SPTBN1: variants seen among roughly 807,000 people sequenced by gnomAD.
SPTBN1 encodes the protein spectrin beta chain, non-erythrocytic 1.
SPTBN1 carries 32 observed loss-of-function variants against 266.4 expected under a neutral mutation model. The observed-to-expected ratio is 0.12, with a 90% confidence interval of 0.09 to 0.16. The LOEUF (loss-of-function observed/expected upper bound fraction) is 0.16. Among genes scored for constraint, SPTBN1 ranks in the 10% least tolerant of loss-of-function variants. SPTBN1 has a pLI of 1.00. For missense variants in SPTBN1, 2,296 were observed against 3,067.1 expected, an observed-to-expected ratio of 0.75 and a Z score of 5.94; for synonymous variants, 1,336 against 1,162.2, an observed-to-expected ratio of 1.15 and a Z score of -3.04.
intron 1 of SPTBN1, among the ~76,000 whole-genome samples, chr2:54,471,814 T>TTTTTTTTTTTTTTTTTC (rs1693937101): frequency 6.7e-6 from 1 of 148,956 alleles, no homozygotes. Flanking sequence ...TTTTTTTTTT[T>TTTTTTTTTTTTTTTTTC]TTTTTGCTGT....
intron 3 of SPTBN1, among the ~76,000 whole-genome samples, chr2:54,605,029 G>A (rs533272163): frequency 4.6e-5 from 7 of 152,258 alleles, no homozygotes; most frequent in African/African-American, 1.7e-4. Context: ...GCCGCACTAG[G>A]GAATCCGATG....
chr2:54,501,664 C>T (rs916800498), intron 1 of SPTBN1, among the ~76,000 whole-genome samples: 3 of 152,228 alleles, frequency 2.0e-5, no homozygotes, highest in Admixed American at 1.3e-4. Flanking sequence ...TGTCTCGTTA[C>T]TTGCTCACCT....
chr2:54,558,033 C>T lies in SPTBN1; in HGVS notation c.148+31467C>T, dbSNP rs1672997164. On this transcript the variant is annotated intron_variant, in intron 2 of 35. Transcript: ENST00000356805. This position sits in a 1 kb window ranked among gnomAD's most constrained non-coding sequence, Gnocchi z 4.6. ...CCCGGGACCCTTGGGGCTCTTCACT[C>T]TCCAGGCCGTCCCGTGGGCGCGCTA... 1 of 985,438 alleles carries T rather than the reference C, an allele frequency of 1.0e-6. No individual in the cohort carries two copies. The highest frequency in any genetic ancestry group is 1.2e-6 in the Non-Finnish European group (1 of 829,928). The allele number at this position is 985,438 out of a possible 1,614,324, so 61.0% of individuals were successfully genotyped here. A position where few individuals can be genotyped will look rare whatever the true frequency, so the allele number is the denominator to read the frequency against.
chr2:54,559,782 A>G (rs768219047), intron 2 of SPTBN1, among the ~76,000 whole-genome samples: 1 of 152,180 alleles, frequency 6.6e-6, no homozygotes, highest in Non-Finnish European at 1.5e-5. Context: ...CTAGCACTGT[A>G]AAAAAGTAGT....
At chr2:54,635,346 T>G (rs937067318) in intron 17 of SPTBN1, among the ~76,000 whole-genome samples, 2 of 152,212 alleles carry the variant, frequency 1.3e-5, no homozygotes, top group Non-Finnish European at 2.9e-5. Context: ...GTCTTCTGAG[T>G]CAGCGGCAGT....
chr2:54,506,892 C>CTTTTTT (rs1481345490), intron 1 of SPTBN1, among the ~76,000 whole-genome samples: 2 of 8,346 alleles, frequency 2.4e-4, no homozygotes, highest in African/African-American at 8.1e-4. Flanking sequence ...CTGGTTCTCT[C>CTTTTTT]TCTTTTTTTT....
intron 1 of SPTBN1, among the ~76,000 whole-genome samples, chr2:54,490,642 A>C (rs1668637714): frequency 6.6e-6 from 1 of 152,204 alleles, no homozygotes; most frequent in African/African-American, 2.4e-5. Flanking sequence ...TAAGTTGGAT[A>C]ACCACCTTAG....
rs1176362284 is a variant in SPTBN1 at position 54,632,474 on chromosome 2, A to C, written c.3565-92A>C. ...TATTTCATGTAAGTGTAATGAAGAA[A>C]GTGTTGTGAACTATGTTGCACGGAA... On this transcript the variant is annotated intron_variant, in intron 16 of 35. Coordinates refer to ENST00000356805, the MANE Select transcript of SPTBN1 (RefSeq NM_003128.3). The C allele has an allele frequency of 5.5e-6, 7 of 1,262,156 alleles. No individual in the cohort carries two copies. The Admixed American group carries it at 1.4e-4, about 24-fold the overall frequency. The allele number at this position is 1,262,156 out of a possible 1,614,324, so 78.2% of individuals were successfully genotyped here. A position where few individuals can be genotyped will look rare whatever the true frequency, so the allele number is the denominator to read the frequency against.
At chr2:54,595,309 G>T (rs1675994571) in intron 2 of SPTBN1, among the ~76,000 whole-genome samples, 1 of 152,162 alleles carries the variant, frequency 6.6e-6, no homozygotes, top group Non-Finnish European at 1.5e-5. Context: ...ACTGCGGGAG[G>T]GTGGGGGCAA....
chr2:54,538,051 T>A (rs1215391006), intron 2 of SPTBN1, among the ~76,000 whole-genome samples: 1 of 152,224 alleles, frequency 6.6e-6, no homozygotes, highest in African/African-American at 2.4e-5. Context: ...CATTTTCAGA[T>A]AGACTGATGT....
intron 9 of SPTBN1, among the ~76,000 whole-genome samples, chr2:54,623,162 G>T (rs972770828): frequency 6.6e-6 from 1 of 152,066 alleles, no homozygotes; most frequent in African/African-American, 2.4e-5. Context: ...GAAATAATCC[G>T]TGTTGAATGC....
At chr2:54,542,549 G>A (rs1186566890) in intron 2 of SPTBN1, among the ~76,000 whole-genome samples, 1 of 152,216 alleles carries the variant, frequency 6.6e-6, no homozygotes, top group Admixed American at 6.5e-5. Flanking sequence ...TCCATCCCCA[G>A]GGGGCTCAAG....
intron 6 of SPTBN1, 149 bp downstream of exon 6, chr2:54,617,837 A>G (rs534158359): frequency 4.0e-6 from 3 of 746,398 alleles, no homozygotes; most frequent in Non-Finnish European, 6.5e-6. Flanking sequence ...ATATGGGAGA[A>G]TATATAAATT....
chr2:54,457,190 A>T (rs1429080594), intron 1 of SPTBN1: 1 of 32,328 alleles, frequency 3.1e-5, no homozygotes, highest in African/African-American at 1.3e-4. Context: ...CCACTCTCCC[A>T]GGGCTGGGCG....
intron 1 of SPTBN1, among the ~76,000 whole-genome samples, chr2:54,486,770 T>C (rs1180144943): frequency 6.6e-6 from 1 of 151,168 alleles, no homozygotes; most frequent in African/African-American, 2.4e-5. Flanking sequence ...GTTCTAACCA[T>C]AGAAGAAGCT....
At chr2:54,472,022 GTTTT>G (rs768988675) in intron 1 of SPTBN1, among the ~76,000 whole-genome samples, 2,761 of 66,514 alleles carry the variant, frequency 0.042, 24 homozygotes, top group South Asian at 0.15. Context: ...CCCTGAAGAT[GTTTT>G]TTTTTTTTTT....
intron 1 of SPTBN1, among the ~76,000 whole-genome samples, chr2:54,471,848 T>C (rs993180032): frequency 7.4e-6 from 1 of 134,242 alleles, no homozygotes; most frequent in African/African-American, 2.8e-5. Flanking sequence ...AAACATCTTA[T>C]GAGCATATGA....
chr2:54,530,272 G>C (rs1023075452), intron 2 of SPTBN1, among the ~76,000 whole-genome samples: 14 of 151,176 alleles, frequency 9.3e-5, no homozygotes, highest in Non-Finnish European at 1.6e-4. Context: ...AGGAAATAGG[G>C]TGAGGTAAAC....
intron 1 of SPTBN1, among the ~76,000 whole-genome samples, chr2:54,467,477 C>T (rs753389435): frequency 1.3e-5 from 2 of 152,148 alleles, no homozygotes; most frequent in Non-Finnish European, 2.9e-5. Flanking sequence ...TCACTGCAAC[C>T]TCCGCCTCCC....
Sources: gnomAD v4.1 joint callset for allele counts (sites outside exome capture counted in the v4.1 genomes callset) on GRCh38, gnomAD v4.1.1 for gene constraint, Gnocchi (gnomAD v3.1) non-coding constraint, MANE v1.5 for transcripts, NCBI Gene and HGNC (gene_info 2026-07-23, HGNC 2026-07-21) for gene names.